Variants in DLGAP4 observed in about 807,000 individuals in gnomAD.
DLGAP4 encodes the protein disks large-associated protein 4.
In DLGAP4, 18 loss-of-function variants were observed where a neutral mutation model predicts 86.9. The ratio of observed to expected loss-of-function variants is 0.21; its 90% CI spans 0.14 to 0.31. The LOEUF (loss-of-function observed/expected upper bound fraction) is 0.31. Among genes scored for constraint, DLGAP4 ranks in the 10% least tolerant of loss-of-function variants. The probability of loss-of-function intolerance (pLI) is 1.00; values close to 1 mark genes in which losing one functional copy is unlikely to be tolerated. For missense variants in DLGAP4, 1,085 were observed against 1,362.6 expected, an observed-to-expected ratio of 0.80 and a Z score of 3.21; for synonymous variants, 548 against 574.3, an observed-to-expected ratio of 0.95 and a Z score of 0.65.
At chr20:36,341,857 C>T (rs1249677760) in intron 1 of DLGAP4, among the ~76,000 whole-genome samples, 6 of 152,224 alleles carry the variant, frequency 3.9e-5, no homozygotes, top group African/African-American at 9.6e-5. Flanking sequence ...GCTGGGGCGC[C>T]GTCCCCAGCA....
At chr20:36,383,970 C>T (rs2031498568) in intron 2 of DLGAP4, among the ~76,000 whole-genome samples, 2 of 134,014 alleles carry the variant, frequency 1.5e-5, no homozygotes, top group South Asian at 4.6e-4. Flanking sequence ...GGTGAAAGAG[C>T]GAGACTCCGT....
At chr20:36,483,129 G>C (rs1190575336) in intron 7 of DLGAP4, among the ~76,000 whole-genome samples, 1 of 152,262 alleles carries the variant, frequency 6.6e-6, no homozygotes, top group African/African-American at 2.4e-5. Flanking sequence ...TGGCAGAGCA[G>C]ACTCTGCAGG....
chr20:36,523,353 TAAAG>T (rs1262899925), intron 10 of DLGAP4, among the ~76,000 whole-genome samples: 1 of 152,234 alleles, frequency 6.6e-6, no homozygotes, highest in Non-Finnish European at 1.5e-5. Flanking sequence ...ATTCCTGGGT[TAAAG>T]AGACTTCTCG....
At chr20:36,387,023 T>C (rs1457845900) in intron 2 of DLGAP4, among the ~76,000 whole-genome samples, 1 of 152,202 alleles carries the variant, frequency 6.6e-6, no homozygotes, top group Non-Finnish European at 1.5e-5. Context: ...TGGTTCTGGT[T>C]CTCCACCATG....
rs117181192 is a variant in DLGAP4 at position 36,474,505 on chromosome 20, C to T, written c.1649-22200C>T. Among the ~76,000 whole-genome samples the T allele has an allele frequency of 1.6e-4, 25 of 152,326 alleles. No homozygotes were observed. The East Asian group carries it at 3.5e-3, about 21-fold the overall frequency. ...TGTGACGAGGACCTATTATTGACTG[C>T]GGAGAATAGGTTGGATAGTTCTAGC... On this transcript the variant is annotated intron_variant, in intron 7 of 12. Coordinates refer to ENST00000339266, the MANE Select transcript of DLGAP4 (RefSeq NM_001365621.2).
intron 2 of DLGAP4, among the ~76,000 whole-genome samples, chr20:36,378,412 G>C (rs8118698): frequency 0.049 from 7,415 of 152,254 alleles, 250 homozygotes; most frequent in Middle Eastern, 0.12. Context: ...GGCTAGAACA[G>C]CGCCTAGCAC....
chr20:36,464,181 T>A (rs528204863), intron 7 of DLGAP4, among the ~76,000 whole-genome samples: 10 of 152,178 alleles, frequency 6.6e-5, no homozygotes, highest in Non-Finnish European at 1.2e-4. Context: ...CTTTTAGGGA[T>A]GTCACTTTCC....
chr20:36,508,413 T>G (rs1364741740), intron 10 of DLGAP4: 2 of 151,562 alleles, frequency 1.3e-5, no homozygotes, highest in African/African-American at 2.4e-5. Flanking sequence ...CTACTGATGT[T>G]TCAGGGTTCT....
intron 1 of DLGAP4, among the ~76,000 whole-genome samples, chr20:36,331,429 C>T (rs1354337476): frequency 1.3e-5 from 2 of 152,252 alleles, no homozygotes; most frequent in Non-Finnish European, 2.9e-5. Context: ...CTCATTACCT[C>T]CCTTTGCTGT....
Position 36,425,561 on chromosome 20 carries a change from C to T in DLGAP4, c.-72-6085C>T, listed in dbSNP as rs1017998513. On this transcript the variant is annotated intron_variant, in intron 2 of 12. Coordinates refer to ENST00000339266, the MANE Select transcript of DLGAP4 (RefSeq NM_001365621.2). ...AACATAGGGGCTGGGCGTGGTGGCTCGCCTGTAATCCCAGCACTTTTGGAG... is the reference window on the plus strand; with the variant it reads ...AACATAGGGGCTGGGCGTGGTGGCTTGCCTGTAATCCCAGCACTTTTGGAG... Among the ~76,000 whole-genome samples the T allele has an allele frequency of 3.3e-5, 5 of 150,032 alleles. No individual in the cohort carries two copies. The South Asian group carries it at 8.3e-4, about 25-fold the overall frequency.
chr20:36,482,445 C>T (rs1385907271), intron 7 of DLGAP4, among the ~76,000 whole-genome samples: 1 of 152,174 alleles, frequency 6.6e-6, no homozygotes, highest in Non-Finnish European at 1.5e-5. Flanking sequence ...TAATACTTCC[C>T]AGGCTGGGCT....
intron 2 of DLGAP4, among the ~76,000 whole-genome samples, chr20:36,371,637 A>G (rs1166258946): frequency 3.9e-5 from 6 of 152,228 alleles, no homozygotes; most frequent in African/African-American, 1.4e-4. Flanking sequence ...CCACGGGACC[A>G]GTTAAAGCCA....
rs2065006258 is a variant in DLGAP4 at position 36,306,738 on chromosome 20, C to A, written c.-304+226C>A. 3.3e-5 allele frequency among the ~76,000 whole-genome samples: 5 copies of A among 152,262 alleles called. No individual in the cohort carries two copies. In the South Asian group the frequency reaches 1.0e-3, roughly 32 times the overall value. On this transcript the variant is annotated intron_variant, in intron 1 of 12. Coordinates refer to ENST00000339266, the MANE Select transcript of DLGAP4 (RefSeq NM_001365621.2). The surrounding 1 kb of genome is among the most constrained non-coding windows in gnomAD (Gnocchi z 4.9). ...GAAGCGCCTTCTCCGGTTGGGATCGCCCCATCCATGTCTCCCCGGACCCTC... is the reference window on the plus strand; with the variant it reads ...GAAGCGCCTTCTCCGGTTGGGATCGACCCATCCATGTCTCCCCGGACCCTC...
At chr20:36,428,720 G>T (rs904057273) in intron 2 of DLGAP4, among the ~76,000 whole-genome samples, 28 of 152,238 alleles carry the variant, frequency 1.8e-4, no homozygotes, top group Admixed American at 1.8e-3. Context: ...GTGTGGCTTT[G>T]TGCTGTCTGG....
chr20:36,417,247 G>A (rs2032681433), intron 2 of DLGAP4, among the ~76,000 whole-genome samples: 1 of 152,234 alleles, frequency 6.6e-6, no homozygotes, highest in Admixed American at 6.5e-5. Context: ...GTGTTGAGGG[G>A]TGGATGGAAC....
chr20:36,396,391 GC>G (rs1569484605), intron 2 of DLGAP4, among the ~76,000 whole-genome samples: 56 of 4,094 alleles, frequency 0.014, no homozygotes, highest in African/African-American at 0.023. Context: ...ATACACACAT[GC>G]CACATACACA....
intron 1 of DLGAP4, among the ~76,000 whole-genome samples, chr20:36,347,765 A>G (rs945380545): frequency 5.3e-5 from 8 of 150,294 alleles, no homozygotes; most frequent in Admixed American, 6.7e-5. Context: ...GTTTGAGGCC[A>G]CAGTGAGCAA....
intron 7 of DLGAP4, chr20:36,461,343 C>A: frequency 3.4e-6 from 2 of 585,774 alleles, no homozygotes; most frequent in Non-Finnish European, 4.3e-6. Context: ...GGGCCACATG[C>A]CAAGCGGGCT....
intron 2 of DLGAP4, among the ~76,000 whole-genome samples, chr20:36,385,140 T>C (rs1168530114): frequency 6.6e-6 from 1 of 152,070 alleles, no homozygotes; most frequent in Admixed American, 6.6e-5. Context: ...CCTAGGAATA[T>C]GGCACCACCA....
Sources: gnomAD v4.1 joint callset for allele counts (sites outside exome capture counted in the v4.1 genomes callset) on GRCh38, gnomAD v4.1.1 for gene constraint, Gnocchi (gnomAD v3.1) non-coding constraint, MANE v1.5 for transcripts, NCBI Gene and HGNC (gene_info 2026-07-23, HGNC 2026-07-21) for gene names.